The following KDM5D variants were observed in gnomAD, a reference collection of about 807,000 sequenced individuals.
KDM5D encodes the protein lysine-specific demethylase 5D.
A neutral mutation model predicts 31.9 loss-of-function variants in KDM5D; 25 were observed. The ratio of observed to expected loss-of-function variants is 0.78; its 90% CI spans 0.57 to 1.09. KDM5D has a LOEUF of 1.09. Among genes scored for constraint, KDM5D ranks in the 50% least tolerant of loss-of-function variants. The pLI is 0.00. For synonymous variants in KDM5D, 146 were observed against 122.3 expected (o/e 1.19, Z -1.28); for missense variants, 366 against 341.6 (o/e 1.07, Z -0.56).
At position 19,716,640 on chromosome Y, in the gene KDM5D, C is replaced by T; in HGVS notation, c.1792G>A (p.Gly598Ser). ...PRAYHSGFNQGYNFAEAVNFC... is the reference protein window; with the variant it reads ...PRAYHSGFNQSYNFAEAVNFC... ...TTGACAGCTTCAGCAAAATTGTAGC[C>T]TTGGTTAAAACCACTGTGGTAAGCA... The change falls in exon 14 of 27, where the codon GGC becomes AGC. Residue 598 changes from glycine to serine, a missense_variant. Transcript: ENST00000317961. 5.0e-6 allele frequency: 2 copies of T among 398,882 alleles called. No individual in the cohort carries two copies. Among genetic ancestry groups the T allele is most frequent in the Non-Finnish European group, 7.1e-6 (2 of 283,261 alleles).
chrY:19,740,882 G>C (rs1037674351), intron 5 of KDM5D, among the ~76,000 whole-genome samples: 1 of 33,201 alleles, frequency 3.0e-5, no homozygotes, highest in Admixed American at 2.7e-4. Flanking sequence ...TACTTGGGAG[G>C]CTGAAGCAGA....
chrY:19,719,015 A>C, intron 13 of KDM5D, among the ~76,000 whole-genome samples: 1 of 31,158 alleles, frequency 3.2e-5, no homozygotes, highest in Non-Finnish European at 7.8e-5. Context: ...CTAAAAATAC[A>C]AAAAATTAGC....
rs751604607 is a variant in KDM5D, at chrY:19,732,747, CA to C, written c.934-6del. 13 of 167,515 alleles carry C rather than the reference CA, an allele frequency of 7.8e-5. No homozygotes were observed. The highest frequency in any genetic ancestry group is 5.1e-4 in the African/African-American group (4 of 7,840). The allele number at this position is 167,515 out of a possible 400,897, so 41.8% of individuals were successfully genotyped here. On this transcript the variant is annotated splice_region_variant and splice_polypyrimidine_tract_variant and intron_variant, in intron 8 of 26. Transcript: ENST00000317961. Reference sequence around the variant, plus strand: ...TTGGCAAATATATGAGTCAATCTACCAAAAAAAAAAAAAAAGTAAAAAATTT... The same window carrying C: ...TTGGCAAATATATGAGTCAATCTACCAAAAAAAAAAAAAAGTAAAAAATTT...
Sources: gnomAD v4.1 joint callset for allele counts (sites outside exome capture counted in the v4.1 genomes callset) on GRCh38, gnomAD v4.1.1 for gene constraint, MANE v1.5 for transcripts, NCBI Gene and HGNC (gene_info 2026-07-23, HGNC 2026-07-21) for gene names.